Variants in MYH6 observed in about 807,000 individuals in gnomAD.
The protein encoded by MYH6 is myosin heavy chain 6, also known as myosin-6.
MYH6 carries 126 observed loss-of-function variants against 223.2 expected under a neutral mutation model. The ratio of observed to expected loss-of-function variants is 0.56; its 90% CI spans 0.49 to 0.65. The LOEUF is 0.65. Ranked by LOEUF, MYH6 falls within the 30% of genes least tolerant of loss-of-function variation. MYH6 has a pLI of 0.00. For missense variants in MYH6, 2,040 were observed against 2,536.4 expected (o/e 0.80, Z 4.20); for synonymous variants, 978 against 1,010.2 (o/e 0.97, Z 0.61).
intron 19 of MYH6, 97 bp from the exon 20 acceptor site, chr14:23,396,517 T>C: frequency 6.4e-7 from 1 of 1,570,740 alleles, no homozygotes; most frequent in South Asian, 1.1e-5. Context: ...CATCACCCCA[T>C]GCCTTCTAGA....
Position 23,402,735 on chromosome 14 carries a change from C to T in MYH6, c.964G>A (p.Ala322Thr), listed in dbSNP as rs928866053. 6.2e-7 allele frequency: 1 copy of T among 1,613,684 alleles called. No individual in the cohort carries two copies. The highest frequency in any genetic ancestry group is 8.5e-7 in the Non-Finnish European group (1 of 1,179,976). Residue 322 changes from alanine to threonine, a missense_variant, in exon 11 of 39, where the codon GCC becomes ACC. By Grantham distance (58) the Ala-to-Thr change is moderately conservative (BLOSUM62 0). This residue lies in a region of MYH6 where 649 missense variants were observed against 877.3 expected (regional missense o/e 0.74). Coordinates refer to ENST00000405093, the MANE Select transcript of MYH6 (RefSeq NM_002471.4). Reference protein sequence around the residue: ...AFVSQGEVSVASIDDSEELMA... With the variant: ...AFVSQGEVSVTSIDDSEELMA... Reference sequence around the variant, plus strand: ...AGCTCCTCGGAGTCATCAATGGAGGCCACGGACACCTCTCCCTGAGACACG... The same window carrying T: ...AGCTCCTCGGAGTCATCAATGGAGGTCACGGACACCTCTCCCTGAGACACG...
chr14:23,389,062 A>AGG lies in MYH6; in HGVS notation c.3979-9_3979-8dup, dbSNP rs193922652. On this transcript the variant is annotated splice_polypyrimidine_tract_variant and splice_region_variant and intron_variant, in intron 28 of 38. Coordinates refer to ENST00000405093, the MANE Select transcript of MYH6 (RefSeq NM_002471.4). ...GGGCCAGGGCGTTCTTCGCCTGGGG[A>AGG]GGGGGGGGGGCACCAGGAGGTGGGA... 2.6e-5 allele frequency: 30 copies of AGG among 1,175,400 alleles called. No homozygotes were observed. Among genetic ancestry groups the AGG allele is most frequent in the East Asian group, 6.5e-5 (2 of 30,838 alleles). 72.8% of individuals were successfully genotyped at this position (1,175,400 alleles called of 1,614,324 possible).
At position 23,394,297 on chromosome 14, in the gene MYH6, T is replaced by G. The variant is rs1278622745; in HGVS notation, c.2456A>C (p.Asn819Thr). 1 of 1,614,100 alleles carries G rather than the reference T, an allele frequency of 6.2e-7. No individual in the cohort carries two copies. ...RRDALLVIQWNIRAFMGVKNW... is the reference protein window; with the variant it reads ...RRDALLVIQWTIRAFMGVKNW... ...CTTGACCCCCATGAAGGCCCGAATGTTCCACTGGATTACCAGCAGGGCATC... is the reference window on the plus strand; with the variant it reads ...CTTGACCCCCATGAAGGCCCGAATGGTCCACTGGATTACCAGCAGGGCATC... Residue 819 changes from asparagine to threonine, a missense_variant, in exon 21 of 39, where the codon AAC (asparagine) becomes ACC (threonine). Asn to Thr is a moderately conservative substitution (Grantham distance 65). This residue lies in a region of MYH6 where 649 missense variants were observed against 877.3 expected (regional missense o/e 0.74). Coordinates refer to ENST00000405093, the MANE Select transcript of MYH6 (RefSeq NM_002471.4).
At chr14:23,393,310 C>T (rs752006592) in intron 23 of MYH6, 32 bp downstream of exon 23, 2 of 1,613,912 alleles carry the variant, frequency 1.2e-6, no homozygotes, top group African/African-American at 2.7e-5. Flanking sequence ...AAATCTTGCT[C>T]TGAGAGCAGG....
intron 31 of MYH6, 36 bp downstream of exon 31, chr14:23,387,722 C>T: frequency 6.2e-7 from 1 of 1,614,132 alleles, no homozygotes; most frequent in South Asian, 1.1e-5. Context: ...CTCCCTCCCA[C>T]CAACTCATCT....
chr14:23,388,186 G>T lies in MYH6; in HGVS notation c.4328C>A (p.Ala1443Asp), dbSNP rs727503234. The T allele has an allele frequency of 2.0e-4, 327 of 1,612,202 alleles. No homozygotes were observed. Among genetic ancestry groups the T allele is most frequent in the Non-Finnish European group, 2.7e-4 (314 of 1,180,044 alleles). Reference protein sequence around the residue: ...DVERSNAAAAALDKKQRNFDK... With the variant: ...DVERSNAAAADLDKKQRNFDK... ...AAAGTTTCTCTGCTTCTTGTCCAGG[G>T]CTGCAGCAGCAGCATTGGAGCGCTC... Residue 1443 changes from alanine to aspartate, a missense_variant, in exon 30 of 39, where the codon GCC becomes GAC. Ala to Asp is a moderately radical substitution (Grantham distance 126, BLOSUM62 -2). This residue lies in a region of MYH6 where 1,203 missense variants were observed against 1,400.2 expected (regional missense o/e 0.86). Transcript: ENST00000405093.
At chr14:23,388,078 G>T (rs1891093435) in intron 30 of MYH6, 77 bp downstream of exon 30, 1 of 1,610,406 alleles carries the variant, frequency 6.2e-7, no homozygotes, top group African/African-American at 1.3e-5. Context: ...CTCCAAGGAG[G>T]TTGCCTTTGG....
chr14:23,393,727 A>G lies in MYH6; in HGVS notation c.2867T>C (p.Ile956Thr). 6.2e-7 allele frequency: 1 copy of G among 1,614,044 alleles called. No homozygotes were observed. Among genetic ancestry groups the G allele is most frequent in the Admixed American group, 1.7e-5 (1 of 60,012 alleles). Residue 956 changes from isoleucine (I) to threonine (T), a missense_variant, in exon 22 of 39, where the codon ATT becomes ACT. Ile to Thr is a moderately conservative substitution (Grantham distance 89, BLOSUM62 -1). Around this residue, in one of 4 missense-constraint regions of MYH6, gnomAD observed 1,203 missense variants for 1,400.2 expected, o/e 0.86. Transcript: ENST00000405093. ...EDECSELKKDIDDLELTLAKV... is the reference protein window; with the variant it reads ...EDECSELKKDTDDLELTLAKV... ...GGCCAGTGTCAGCTCCAGGTCATCA[A>G]TGTCCTTCTTGAGCTCTGAGCACTC...
Position 23,384,126 on chromosome 14 carries a change from C to T in MYH6, c.5565+316G>A, listed in dbSNP as rs115734615. On this transcript the variant is annotated intron_variant, in intron 36 of 38. Transcript: ENST00000405093. ...TCCCCTCCCCTGACTCTTATCCCCA[C>T]AGTCGAAGGTGGAAGGATTCTTTGA... Among the ~76,000 whole-genome samples the T allele has an allele frequency of 3.7e-3, 564 of 151,246 alleles. 1 individual carries two copies. The highest frequency in any genetic ancestry group is 0.013 in the African/African-American group (540 of 41,122).
At chr14:23,391,362 C>T (rs1891231999) in intron 25 of MYH6, among the ~76,000 whole-genome samples, 1 of 152,108 alleles carries the variant, frequency 6.6e-6, no homozygotes, top group African/African-American at 2.4e-5. Context: ...AGCCTATTGC[C>T]GAGAGCTGAT....
chr14:23,393,753 G>C lies in MYH6; in HGVS notation c.2841C>G (p.Asp947Glu). 6.2e-7 allele frequency: 1 copy of C among 1,614,148 alleles called. No individual in the cohort carries two copies. Among genetic ancestry groups the C allele is most frequent in the South Asian group, 1.1e-5 (1 of 91,084 alleles). Residue 947 changes from aspartate (D) to glutamate (E), a missense_variant, in exon 22 of 39, where the codon GAC (aspartate) becomes GAG (glutamate). Asp to Glu is a conservative substitution (Grantham distance 45, BLOSUM62 2). Coordinates refer to ENST00000405093, the MANE Select transcript of MYH6 (RefSeq NM_002471.4). Reference sequence around the variant, plus strand: ...TGTCCTTCTTGAGCTCTGAGCACTCGTCTTCCAGCTTGCGCTTCTTGGCAG... The same window carrying C: ...TGTCCTTCTTGAGCTCTGAGCACTCCTCTTCCAGCTTGCGCTTCTTGGCAG... ...ELTAKKRKLE[D>E]ECSELKKDID...
intron 15 of MYH6, among the ~76,000 whole-genome samples, chr14:23,398,066 G>A (rs2138607949): frequency 6.7e-6 from 1 of 149,350 alleles, no homozygotes; most frequent in South Asian, 2.1e-4. Flanking sequence ...CACCCATGCT[G>A]GAGTGCAGTG....
intron 22 of MYH6, 58 bp downstream of exon 22, chr14:23,393,608 A>G (rs1891303764): frequency 1.2e-6 from 2 of 1,613,796 alleles, no homozygotes; most frequent in Admixed American, 1.7e-5. Context: ...CCAGGACAAC[A>G]CTCTAGTCTG....
At position 23,385,027 on chromosome 14, in the gene MYH6, G is replaced by A. The variant is rs1890978489; in HGVS notation, c.5178C>T (p.Ile1726=). The A allele has an allele frequency of 6.2e-7, 1 of 1,614,056 alleles. No individual in the cohort carries two copies. The highest frequency in any genetic ancestry group is 1.3e-5 in the African/African-American group (1 of 74,922). ...CCGACTCCATCTTCTTCTTCTGGTT[G>A]ATGAGGCTGGTGTTCTAGACATGGA... The part of the protein sequence containing the change: ...QLLHSQNTSL[I]NQKKKMESDL... The change falls in exon 35 of 39, where the codon ATC becomes ATT. Residue 1726 remains isoleucine (I), a synonymous_variant. Transcript: ENST00000405093.
At chr14:23,395,927 G>T (rs1410635562) in intron 20 of MYH6, among the ~76,000 whole-genome samples, 1 of 152,070 alleles carries the variant, frequency 6.6e-6, no homozygotes, top group Non-Finnish European at 1.5e-5. Flanking sequence ...CTTAATTTTT[G>T]TCAGTCTAGT....
At chr14:23,396,232 C>T (rs1000605442) in intron 20 of MYH6, 52 bp downstream of exon 20, 5 of 1,612,366 alleles carry the variant, frequency 3.1e-6, no homozygotes, top group African/African-American at 2.7e-5. Flanking sequence ...GTTGACATTG[C>T]GGATCTGCCT....
Position 23,385,991 on chromosome 14 carries a change from G to A in MYH6, c.5100C>T (p.Ser1700=), listed in dbSNP as rs1595048941. 1 of 1,614,158 alleles carries A rather than the reference G, an allele frequency of 6.2e-7. No individual in the cohort carries two copies. The highest frequency in any genetic ancestry group is 8.5e-7 in the Non-Finnish European group (1 of 1,180,034). ...TCAGCTCCTGCTCCGCCAGCTTCCG[G>A]GACCGCTCTGTCTGCTCCACCACGG... The part of the protein sequence containing the change: ...LRAVVEQTER[S]RKLAEQELIE... Residue 1700 remains serine, a synonymous_variant, in exon 34 of 39, where the codon TCC becomes TCT. Coordinates refer to ENST00000405093, the MANE Select transcript of MYH6 (RefSeq NM_002471.4).
Position 23,405,830 on chromosome 14 carries a change from G to C in MYH6, c.202-60C>G. 2 of 1,609,788 alleles carry C rather than the reference G, an allele frequency of 1.2e-6. No individual in the cohort carries two copies. The highest frequency in any genetic ancestry group is 1.7e-6 in the Non-Finnish European group (2 of 1,176,290). ...CACAATCCCTCCGGGACCCTTGCCA[G>C]CACTGCCCACTGACCTCCTCCCAGG... On this transcript the variant is annotated intron_variant, in intron 3 of 38. Transcript: ENST00000405093. This position sits in a 1 kb window ranked among gnomAD's most constrained non-coding sequence, Gnocchi z 4.7.
chr14:23,396,362 C>T lies in MYH6; in HGVS notation c.2351G>A (p.Ser784Asn). 1 of 1,614,118 alleles carries T rather than the reference C, an allele frequency of 6.2e-7. No homozygotes were observed. The highest frequency in any genetic ancestry group is 8.5e-7 in the Non-Finnish European group (1 of 1,180,044). The change falls in exon 20 of 39, where the codon AGC becomes AAC. Residue 784 changes from serine to asparagine, a missense_variant. This residue lies in a region of MYH6 where 649 missense variants were observed against 877.3 expected (regional missense o/e 0.74). Transcript: ENST00000405093. ...LLEEMRDERLSRIITRMQAQA... is the reference protein window; with the variant it reads ...LLEEMRDERLNRIITRMQAQA... ...GGCCTGCATGCGCGTGATGATGCGG[C>T]TCAGCCTCTCATCCCGCATCTCCTC...
Sources: gnomAD v4.1 joint callset for allele counts (sites outside exome capture counted in the v4.1 genomes callset) on GRCh38, gnomAD v4.1.1 for gene constraint, gnomAD v4.1.1 regional missense constraint, Gnocchi (gnomAD v3.1) non-coding constraint, MANE v1.5 for transcripts, NCBI Gene and HGNC (gene_info 2026-07-23, HGNC 2026-07-21) for gene names.